The following SLC26A11 variants were observed in gnomAD, a reference collection of about 807,000 sequenced individuals.
The protein encoded by SLC26A11 is solute carrier family 26 member 11.
Under a neutral mutation model 62.2 loss-of-function variants are expected in SLC26A11, and 58 were observed. The ratio of observed to expected loss-of-function variants is 0.93; its 90% CI spans 0.76 to 1.16. SLC26A11 has a LOEUF of 1.16. Among genes scored for constraint, SLC26A11 ranks in the 50% most tolerant of loss-of-function variants. The pLI is 0.00. For missense variants in SLC26A11, 790 were observed against 794.3 expected, an observed-to-expected ratio of 0.99 and a Z score of 0.06; for synonymous variants, 411 against 368.9, an observed-to-expected ratio of 1.11 and a Z score of -1.31.
intron 16 of SLC26A11, 103 bp downstream of exon 16, chr17:80,249,390 C>T (rs997982362): frequency 3.8e-5 from 55 of 1,442,994 alleles, no homozygotes; most frequent in Middle Eastern, 2.4e-4. Context: ...TGATGCTGGA[C>T]GGCCCTTCGG....
At position 80,236,916 on chromosome 17, in the gene SLC26A11, C is replaced by G. The variant is rs1373632955; in HGVS notation, c.737-12C>G. 6.2e-7 allele frequency: 1 copy of G among 1,602,338 alleles called. No homozygotes were observed. Among genetic ancestry groups the G allele is most frequent in the Non-Finnish European group, 8.5e-7 (1 of 1,170,352 alleles). The stretch of plus-strand genomic sequence containing the variant: ...GAGCAGGGTCTCGGACGCACCTCTC[C>G]TTCTCTCCTAGCTCGCAACGCCCTG... On this transcript the variant is annotated splice_polypyrimidine_tract_variant and intron_variant, in intron 7 of 17. Coordinates refer to ENST00000361193, the MANE Select transcript of SLC26A11 (RefSeq NM_001166347.2).
chr17:80,231,243 A>G (rs1312312066), intron 7 of SLC26A11, among the ~76,000 whole-genome samples: 1 of 134,948 alleles, frequency 7.4e-6, no homozygotes. Context: ...GCTCACTGCA[A>G]CCTCCGCCTC....
At chr17:80,250,970 A>G (rs1290529866) in intron 16 of SLC26A11, among the ~76,000 whole-genome samples, 5 of 151,842 alleles carry the variant, frequency 3.3e-5, no homozygotes, top group African/African-American at 4.8e-5. Context: ...ACGAAACCCC[A>G]TCAAAAAAAT....
intron 7 of SLC26A11, 57 bp from the exon 8 acceptor site, chr17:80,236,871 C>T (rs1014999998): frequency 1.9e-5 from 30 of 1,556,162 alleles, no homozygotes; most frequent in South Asian, 2.4e-5. Context: ...GAGGCAGCCG[C>T]GCTACCCCAC....
chr17:80,224,422 T>C (rs537177513), intron 5 of SLC26A11, among the ~76,000 whole-genome samples: 3 of 132,838 alleles, frequency 2.3e-5, no homozygotes, highest in Admixed American at 8.4e-5. Flanking sequence ...TGTGAGTGAG[T>C]GAGAGTGGGT....
intron 1 of SLC26A11, 53 bp from the exon 2 acceptor site, chr17:80,220,863 C>G (rs1162717560): frequency 6.5e-6 from 1 of 153,426 alleles, no homozygotes; most frequent in Admixed American, 6.5e-5. Flanking sequence ...GCGCCGGGGC[C>G]CTGGAAGATG....
At chr17:80,226,768 C>T (rs543109834) in intron 6 of SLC26A11, among the ~76,000 whole-genome samples, 6 of 152,306 alleles carry the variant, frequency 3.9e-5, no homozygotes, top group Non-Finnish European at 5.9e-5. Flanking sequence ...GACCATCCAG[C>T]GGGAAGGCAG....
intron 13 of SLC26A11, 95 bp from the exon 14 acceptor site, chr17:80,248,033 CAT>C (rs2043053893): frequency 7.1e-7 from 1 of 1,417,112 alleles, no homozygotes; most frequent in African/African-American, 1.4e-5. Context: ...CACCTTTACT[CAT>C]ATGTGGGGGG....
At chr17:80,225,342 A>T (rs1405754282) in intron 5 of SLC26A11, among the ~76,000 whole-genome samples, 1 of 152,240 alleles carries the variant, frequency 6.6e-6, no homozygotes, top group African/African-American at 2.4e-5. Context: ...CCACATCTGC[A>T]CACTACGAAG....
At position 80,246,347 on chromosome 17, in the gene SLC26A11, G is replaced by A; in HGVS notation, c.1153+138G>A. On this transcript the variant is annotated intron_variant, in intron 12 of 17. Coordinates refer to ENST00000361193, the MANE Select transcript of SLC26A11 (RefSeq NM_001166347.2). This position sits in a 1 kb window ranked among gnomAD's most constrained non-coding sequence, Gnocchi z 4.4. ...CAGGGACTTGGGGGGCCACACAGGA[G>A]TAGGGGGACCACAGGAGACTGAGCA... 5 of 1,414,510 alleles carry A rather than the reference G, an allele frequency of 3.5e-6. No homozygotes were observed. In the South Asian group the frequency reaches 6.6e-5, roughly 19 times the overall value. 87.6% of individuals were successfully genotyped at this position (1,414,510 alleles called of 1,614,324 possible).
intron 7 of SLC26A11, among the ~76,000 whole-genome samples, chr17:80,232,261 T>C (rs908962717): frequency 1.4e-5 from 2 of 146,310 alleles, no homozygotes; most frequent in African/African-American, 5.0e-5. Flanking sequence ...ATCTTTTTAC[T>C]TTTTTTTTTT....
Position 80,221,559 on chromosome 17 carries a change from A to T in SLC26A11, c.-2A>T. 1 of 1,588,518 alleles carries T rather than the reference A, an allele frequency of 6.3e-7. No individual in the cohort carries two copies. Among genetic ancestry groups the T allele is most frequent in the South Asian group, 1.1e-5 (1 of 89,434 alleles). Reference sequence around the variant, plus strand: ...CCTGCACCCCCCAGCCCCACCGTAGAGATGCCTTCTTCGGTGACGGCGCTG... The same window carrying T: ...CCTGCACCCCCCAGCCCCACCGTAGTGATGCCTTCTTCGGTGACGGCGCTG... On this transcript the variant is annotated 5_prime_UTR_variant, in exon 3 of 18. Coordinates refer to ENST00000361193, the MANE Select transcript of SLC26A11 (RefSeq NM_001166347.2).
At chr17:80,224,891 A>T (rs60858365) in intron 5 of SLC26A11, among the ~76,000 whole-genome samples, 27,144 of 151,646 alleles carry the variant, frequency 0.18, 2,992 homozygotes, top group East Asian at 0.59. Context: ...AGGACAGAAG[A>T]CCCTACCCCA....
intron 7 of SLC26A11, among the ~76,000 whole-genome samples, chr17:80,234,902 TGCAATGGC>T (rs2042653256): frequency 6.6e-6 from 1 of 151,138 alleles, no homozygotes; most frequent in Admixed American, 6.7e-5. Context: ...CAGGCTGGAG[TGCAATGGC>T]GCGGTCTTGG....
chr17:80,221,459 C>G (rs541450922), intron 2 of SLC26A11, 89 bp from the exon 3 acceptor site: 2 of 972,594 alleles, frequency 2.1e-6, no homozygotes, highest in African/African-American at 3.3e-5. Context: ...ATAGTGACCT[C>G]TCCTGACACC....
Position 80,222,885 on chromosome 17 carries a change from C to T in SLC26A11, c.427+38C>T, listed in dbSNP as rs1407084669. On this transcript the variant is annotated intron_variant, in intron 4 of 17. Transcript: ENST00000361193. The surrounding 1 kb of genome is among the most constrained non-coding windows in gnomAD (Gnocchi z 4.7). Reference sequence around the variant, plus strand: ...CTTCTTGCCAAGGGGATGCCCTCGACCTCAGCATTTGCTTGTTTGCATTTC... The same window carrying T: ...CTTCTTGCCAAGGGGATGCCCTCGATCTCAGCATTTGCTTGTTTGCATTTC... The T allele has an allele frequency of 1.9e-6, 3 of 1,603,160 alleles. No individual in the cohort carries two copies. The highest frequency in any genetic ancestry group is 1.7e-6 in the Non-Finnish European group (2 of 1,172,834).
intron 10 of SLC26A11, 48 bp downstream of exon 10, chr17:80,241,869 G>C: frequency 1.2e-6 from 2 of 1,603,466 alleles, no homozygotes; most frequent in East Asian, 2.2e-5. Flanking sequence ...GGGCCTCCAG[G>C]GTCCCAGGCC....
rs757439311 is a variant in SLC26A11, at chr17:80,246,071, C to T, written c.1098-83C>T. Reference sequence around the variant, plus strand: ...GCCGTGCTGGGAGCTGACGTCCCCTCGGAAGATCAGCCACAGGAGTGTGGA... The same window carrying T: ...GCCGTGCTGGGAGCTGACGTCCCCTTGGAAGATCAGCCACAGGAGTGTGGA... On this transcript the variant is annotated intron_variant, in intron 11 of 17. Transcript: ENST00000361193. This position sits in a 1 kb window ranked among gnomAD's most constrained non-coding sequence, Gnocchi z 4.4. 1.6e-5 allele frequency: 25 copies of T among 1,524,718 alleles called. No homozygotes were observed. In the Admixed American group the frequency reaches 1.8e-4, roughly 11 times the overall value. 94.4% of individuals were successfully genotyped at this position (1,524,718 alleles called of 1,614,324 possible). A position where few individuals can be genotyped will look rare whatever the true frequency, so the allele number is the denominator to read the frequency against.
rs1021410518 is a variant in SLC26A11, at chr17:80,253,253, AT to A, written c.*541del. ...AATGGAAAAAGTGATAGCTTTGGTG[AT>A]TTTGTAAAAGTCATAAATGCTTATT... is the stretch of plus-strand genomic sequence containing the variant. On this transcript the variant is annotated 3_prime_UTR_variant, in exon 18 of 18. Coordinates refer to ENST00000361193, the MANE Select transcript of SLC26A11 (RefSeq NM_001166347.2). The A allele has an allele frequency of 3.9e-5, 6 of 152,998 alleles. No homozygotes were observed. Among genetic ancestry groups the A allele is most frequent in the African/African-American group, 1.4e-4 (6 of 41,570 alleles). 9.5% of individuals were successfully genotyped at this position (152,998 alleles called of 1,614,324 possible). A position where few individuals can be genotyped will look rare whatever the true frequency, so the allele number is the denominator to read the frequency against.
Sources: gnomAD v4.1 joint callset for allele counts (sites outside exome capture counted in the v4.1 genomes callset) on GRCh38, gnomAD v4.1.1 for gene constraint, Gnocchi (gnomAD v3.1) non-coding constraint, MANE v1.5 for transcripts, NCBI Gene and HGNC (gene_info 2026-07-23, HGNC 2026-07-21) for gene names.